INPP4B: variants seen among roughly 807,000 people sequenced by gnomAD.
INPP4B encodes the protein inositol polyphosphate-4-phosphatase type II B, also known as inositol polyphosphate 4-phosphatase type II.
In INPP4B, 55 loss-of-function variants were observed where a neutral mutation model predicts 122.5. That is an observed-to-expected ratio of 0.45 (90% CI 0.36 to 0.56). The LOEUF is 0.56. Ranked by LOEUF, INPP4B falls within the 20% of genes least tolerant of loss-of-function variation. INPP4B has a pLI of 0.00. For missense variants in INPP4B, 1,000 were observed against 1,097.7 expected (o/e 0.91, Z 1.26); for synonymous variants, 403 against 388.7 (o/e 1.04, Z -0.43).
In INPP4B at chr4:142,086,363, T is replaced by C. The variant is rs1384965659; in HGVS notation, c.2375-107A>G. ...TTATTTGCAAACACAACTTTTCTTTTAGGCAGGGTCTTGCTCTGCCTACCC... is the reference window on the plus strand; with the variant it reads ...TTATTTGCAAACACAACTTTTCTTTCAGGCAGGGTCTTGCTCTGCCTACCC... On this transcript the variant is annotated intron_variant, in intron 23 of 25. Transcript: ENST00000262992. The C allele has an allele frequency of 7.5e-6, 5 of 668,304 alleles. No homozygotes were observed. The African/African-American group carries it at 9.1e-5, about 12-fold the overall frequency. 41.4% of individuals were successfully genotyped at this position (668,304 alleles called of 1,614,324 possible).
intron 7 of INPP4B, among the ~76,000 whole-genome samples, chr4:142,368,186 T>C (rs1409817863): frequency 1.3e-5 from 2 of 152,202 alleles, no homozygotes; most frequent in African/African-American, 2.4e-5. Context: ...TCTTTTCTTA[T>C]ATGTCTTCAA....
intron 1 of INPP4B, among the ~76,000 whole-genome samples, chr4:142,802,228 A>G (rs12509337): frequency 6.6e-6 from 1 of 152,098 alleles, no homozygotes; most frequent in Non-Finnish European, 1.5e-5. Context: ...TCATGATGGT[A>G]CCTGCAGGTC....
chr4:142,422,883 G>A (rs1807238069), intron 5 of INPP4B, among the ~76,000 whole-genome samples: 1 of 151,962 alleles, frequency 6.6e-6, no homozygotes, highest in Non-Finnish European at 1.5e-5. Flanking sequence ...TTATAATGAG[G>A]CAGCAAAATA....
At chr4:142,353,553 C>T (rs1292126499) in intron 7 of INPP4B, among the ~76,000 whole-genome samples, 4 of 152,008 alleles carry the variant, frequency 2.6e-5, no homozygotes. Flanking sequence ...TCTGCCCTGG[C>T]AAACTACTTT....
At chr4:142,520,884 C>T (rs1010659168) in intron 2 of INPP4B, among the ~76,000 whole-genome samples, 1 of 151,818 alleles carries the variant, frequency 6.6e-6, no homozygotes, top group Non-Finnish European at 1.5e-5. Flanking sequence ...AAATATATTC[C>T]ATTTGTTTGA....
At chr4:142,094,453 G>C (rs181704971) in intron 23 of INPP4B, among the ~76,000 whole-genome samples, 114 of 152,270 alleles carry the variant, frequency 7.5e-4, no homozygotes, top group Admixed American at 2.2e-3. Flanking sequence ...TCTCCACACA[G>C]AAGTCTGAAA....
chr4:142,214,631 C>T (rs1302407242), intron 12 of INPP4B, among the ~76,000 whole-genome samples: 1 of 152,216 alleles, frequency 6.6e-6, no homozygotes, highest in Non-Finnish European at 1.5e-5. Flanking sequence ...CAGCTCACTG[C>T]AACCTCCACC....
intron 5 of INPP4B, chr4:142,427,412 A>T: frequency 1.9e-6 from 1 of 527,354 alleles, no homozygotes. Flanking sequence ...GAAGTTTTTT[A>T]TACTGGTAGA....
At chr4:142,767,683 A>T (rs1417109613) in intron 1 of INPP4B, 1 of 152,188 alleles carries the variant, frequency 6.6e-6, no homozygotes, top group Non-Finnish European at 1.5e-5. Flanking sequence ...TACGAATGAC[A>T]AGAGTGAGAC....
rs1554016578 is a variant in INPP4B, at chr4:142,248,337, T to TC, written c.689-10327_689-10326insG. 4.0e-3 allele frequency among the ~76,000 whole-genome samples: 30 copies of TC among 7,514 alleles called. No individual in the cohort carries two copies. In the South Asian group the frequency reaches 0.065, roughly 16 times the overall value. The allele number at this position is 7,514 out of a possible 152,430, so 4.9% of individuals were successfully genotyped here. On this transcript the variant is annotated intron_variant, in intron 11 of 25. Transcript: ENST00000262992. ...CTGTGTTTCTCTCTCTCTCTCTCTC[T>TC]TTTTTTTTTTTTTTTTTGAGATGGA...
chr4:142,171,769 GAAAACA>G (rs1374077855), intron 16 of INPP4B, among the ~76,000 whole-genome samples: 1 of 151,860 alleles, frequency 6.6e-6, no homozygotes, highest in Non-Finnish European at 1.5e-5. Context: ...GTAGAAAAGA[GAAAACA>G]TAGGGGAAAA....
intron 10 of INPP4B, among the ~76,000 whole-genome samples, chr4:142,270,004 T>C (rs2636686): frequency 0.55 from 83,672 of 152,012 alleles, 27,207 homozygotes; most frequent in Non-Finnish European, 0.71. Flanking sequence ...GAAATAAATT[T>C]AGGCTAATAT....
intron 2 of INPP4B, among the ~76,000 whole-genome samples, chr4:142,537,692 A>G (rs886294345): frequency 6.6e-6 from 1 of 151,440 alleles, no homozygotes; most frequent in Non-Finnish European, 1.5e-5. Context: ...TGGTTTCATT[A>G]AACACTTTGC....
intron 1 of INPP4B, among the ~76,000 whole-genome samples, chr4:142,807,124 A>T (rs1778963394): frequency 6.6e-6 from 1 of 152,232 alleles, no homozygotes; most frequent in South Asian, 2.1e-4. Context: ...TCAACTCAAT[A>T]TGATCCAACA....
intron 3 of INPP4B, among the ~76,000 whole-genome samples, chr4:142,451,656 G>C (rs151109815): frequency 3.9e-5 from 6 of 152,094 alleles, no homozygotes; most frequent in Admixed American, 2.0e-4. Flanking sequence ...TAAATTATAG[G>C]ATGGCCTTTT....
intron 2 of INPP4B, among the ~76,000 whole-genome samples, chr4:142,646,953 C>T (rs1395802735): frequency 6.6e-6 from 1 of 152,142 alleles, no homozygotes; most frequent in African/African-American, 2.4e-5. Context: ...AGGTGGCTCA[C>T]CTGTGAGCAA....
At chr4:142,731,095 A>G (rs1298090138) in intron 1 of INPP4B, among the ~76,000 whole-genome samples, 2 of 152,002 alleles carry the variant, frequency 1.3e-5, no homozygotes, top group Non-Finnish European at 2.9e-5. Context: ...TAAGCCCCAC[A>G]TGCATTAGCT....
At chr4:142,774,528 C>A (rs1373664) in intron 1 of INPP4B, among the ~76,000 whole-genome samples, 4,432 of 152,138 alleles carry the variant, frequency 0.029, 87 homozygotes, top group South Asian at 0.05. Context: ...CCTTTACATA[C>A]AACATCTAAA....
intron 2 of INPP4B, among the ~76,000 whole-genome samples, chr4:142,520,130 A>G (rs981489452): frequency 6.6e-6 from 1 of 152,084 alleles, no homozygotes; most frequent in African/African-American, 2.4e-5. Flanking sequence ...TTTCTTTTGT[A>G]TAAGTCCATG....
Sources: allele counts gnomAD v4.1 joint callset (sites outside exome capture counted in the v4.1 genomes callset), GRCh38; gene constraint gnomAD v4.1.1; transcripts MANE v1.5; gene names NCBI Gene and HGNC (gene_info 2026-07-23, HGNC 2026-07-21).